The following ESYT2 variants were observed in gnomAD, a reference collection of about 807,000 sequenced individuals.
ESYT2 encodes the protein extended synaptotagmin 2.
In ESYT2, 54 loss-of-function variants were observed where a neutral mutation model predicts 107.2. That is an observed-to-expected ratio of 0.50 (90% CI 0.40 to 0.63). The LOEUF (loss-of-function observed/expected upper bound fraction) is 0.63. Ranked by LOEUF, ESYT2 falls within the 30% of genes least tolerant of loss-of-function variation. ESYT2 has a pLI of 0.00. For missense variants in ESYT2, 1,020 were observed against 1,094.5 expected, an observed-to-expected ratio of 0.93 and a Z score of 0.96; for synonymous variants, 491 against 434.1, an observed-to-expected ratio of 1.13 and a Z score of -1.63.
At chr7:158,802,063 G>A (rs1839662473) in intron 1 of ESYT2, among the ~76,000 whole-genome samples, 1 of 152,156 alleles carries the variant, frequency 6.6e-6, no homozygotes, top group Non-Finnish European at 1.5e-5. Context: ...ATGCCCTGCT[G>A]AAGTATACAG....
intron 1 of ESYT2, among the ~76,000 whole-genome samples, chr7:158,827,806 G>A (rs1584895746): frequency 6.6e-6 from 1 of 152,054 alleles, no homozygotes; most frequent in Non-Finnish European, 1.5e-5. Flanking sequence ...CCCACTGCTG[G>A]TCACCTTCAC....
chr7:158,817,459 C>T (rs1840176094), intron 1 of ESYT2, among the ~76,000 whole-genome samples: 1 of 152,226 alleles, frequency 6.6e-6, no homozygotes, highest in African/African-American at 2.4e-5. Flanking sequence ...GCGCTCCCCA[C>T]ACCAACCTGC....
At chr7:158,781,334 G>T (rs1264659645) in intron 6 of ESYT2, among the ~76,000 whole-genome samples, 1 of 151,456 alleles carries the variant, frequency 6.6e-6, no homozygotes, top group African/African-American at 2.4e-5. Flanking sequence ...CGAGTGTTGA[G>T]AACAAAGTGT....
intron 1 of ESYT2, among the ~76,000 whole-genome samples, chr7:158,802,222 C>T (rs570719683): frequency 6.0e-4 from 91 of 152,224 alleles, no homozygotes; most frequent in Non-Finnish European, 1.2e-3. Flanking sequence ...CCTTGAAGAC[C>T]AGTATTAACA....
chr7:158,795,725 C>G (rs1312982512), intron 3 of ESYT2, among the ~76,000 whole-genome samples: 3 of 152,266 alleles, frequency 2.0e-5, no homozygotes, highest in Non-Finnish European at 2.9e-5. Context: ...TTTTTCCCAT[C>G]TGTGGTTACC....
At chr7:158,774,697 A>T (rs1432820724) in intron 6 of ESYT2, among the ~76,000 whole-genome samples, 1 of 152,262 alleles carries the variant, frequency 6.6e-6, no homozygotes, top group Non-Finnish European at 1.5e-5. Context: ...TCTATCATTT[A>T]GTTCTGAAGG....
At chr7:158,794,404 A>C (rs2709854) in intron 3 of ESYT2, among the ~76,000 whole-genome samples, 141,341 of 152,296 alleles carry the variant, frequency 0.93, 65,689 homozygotes, top group East Asian at 0.95. Context: ...TGAGGTGGGG[A>C]GATTGCTTGA....
At chr7:158,766,199 C>G (rs571336811) in intron 8 of ESYT2, among the ~76,000 whole-genome samples, 1 of 152,280 alleles carries the variant, frequency 6.6e-6, no homozygotes, top group East Asian at 1.9e-4. Flanking sequence ...AGTGATATTC[C>G]TCATTCAATC....
intron 12 of ESYT2, 32 bp from the exon 13 acceptor site, chr7:158,759,613 A>T: frequency 6.4e-7 from 1 of 1,550,894 alleles, no homozygotes. Flanking sequence ...CTTAGCAGCC[A>T]TGTTTCCACA....
chr7:158,827,836 C>T (rs965180193), intron 1 of ESYT2, among the ~76,000 whole-genome samples: 17 of 152,132 alleles, frequency 1.1e-4, no homozygotes, highest in African/African-American at 3.4e-4. Flanking sequence ...TATATTAAGC[C>T]TAATGGAAGA....
At chr7:158,739,142 G>T in intron 18 of ESYT2, 21 bp from the exon 19 acceptor site, 1 of 1,609,632 alleles carries the variant, frequency 6.2e-7, no homozygotes, top group Non-Finnish European at 8.5e-7. Flanking sequence ...AGAGCAGAAA[G>T]TCACCAGCTT....
chr7:158,789,247 C>G (rs1839203062), intron 4 of ESYT2, among the ~76,000 whole-genome samples: 2 of 152,356 alleles, frequency 1.3e-5, no homozygotes, highest in South Asian at 4.1e-4. Flanking sequence ...CCAATACCTA[C>G]AGATTCCTCT....
At chr7:158,782,279 T>C (rs1396517733) in intron 6 of ESYT2, among the ~76,000 whole-genome samples, 2 of 82,758 alleles carry the variant, frequency 2.4e-5, no homozygotes, top group Admixed American at 1.3e-4. Context: ...GAGAACAAAA[T>C]GTGAGAAATG....
intron 1 of ESYT2, among the ~76,000 whole-genome samples, chr7:158,825,085 G>C (rs887279592): frequency 3.2e-4 from 48 of 152,296 alleles, no homozygotes; most frequent in African/African-American, 1.1e-3. Flanking sequence ...CTGAGGTCAG[G>C]AGTTTGAGAC....
chr7:158,801,646 T>TAAAAAA (rs10625146), intron 1 of ESYT2, among the ~76,000 whole-genome samples: 1 of 151,894 alleles, frequency 6.6e-6, no homozygotes, highest in Non-Finnish European at 1.5e-5. Context: ...TCTTTCAACT[T>TAAAAAA]AAAGACTCAA....
rs376317733 is a variant in ESYT2 at position 158,763,098 on chromosome 7, T to C, written c.1169A>G (p.Asp390Gly). The C allele has an allele frequency of 2.3e-5, 37 of 1,612,822 alleles. No homozygotes were observed. The highest frequency in any genetic ancestry group is 2.9e-5 in the Non-Finnish European group (34 of 1,179,310). ...IELFDEDPDK[D>G]DFLGSLMIDL... is the part of the protein sequence containing the mutation. ...CTTTATTTACCTTCCTAAAAAGTCA[T>C]CCTTGTCTGGGTCTTCATCAAAGAG... is the stretch of plus-strand genomic sequence containing the variant. Residue 390 changes from aspartate (D) to glycine (G), a missense_variant, in exon 10 of 23, where the codon GAT becomes GGT. By Grantham distance (94) the Asp-to-Gly change is moderately conservative (BLOSUM62 -1). Transcript: ENST00000275418.
chr7:158,741,412 T>C, intron 18 of ESYT2, 111 bp downstream of exon 18: 3 of 1,443,614 alleles, frequency 2.1e-6, no homozygotes, highest in Non-Finnish European at 2.8e-6. Flanking sequence ...TAGGCCTCCC[T>C]CCCCAAAGCA....
chr7:158,818,324 G>A (rs1018664586), intron 1 of ESYT2, among the ~76,000 whole-genome samples: 5 of 152,214 alleles, frequency 3.3e-5, no homozygotes, highest in Non-Finnish European at 7.3e-5. Context: ...CAAGGAAGAG[G>A]AGTGCCACTG....
At chr7:158,739,889 A>G (rs991722997) in intron 18 of ESYT2, among the ~76,000 whole-genome samples, 2 of 151,756 alleles carry the variant, frequency 1.3e-5, no homozygotes, top group Admixed American at 6.6e-5. Context: ...CGGCAGTAAG[A>G]TACCAAGCTA....
Sources: gnomAD v4.1 joint callset for allele counts (sites outside exome capture counted in the v4.1 genomes callset) on GRCh38, gnomAD v4.1.1 for gene constraint, MANE v1.5 for transcripts, NCBI Gene and HGNC (gene_info 2026-07-23, HGNC 2026-07-21) for gene names.